The following CSMD1 variants were observed in gnomAD, a reference collection of about 807,000 sequenced individuals.
The protein encoded by CSMD1 is CUB and Sushi multiple domains 1, also known as CUB and sushi domain-containing protein 1.
A neutral mutation model predicts 417.5 loss-of-function variants in CSMD1; 213 were observed. The observed-to-expected ratio is 0.51, with a 90% CI of 0.46 to 0.57. The LOEUF (loss-of-function observed/expected upper bound fraction) is 0.57, where lower values mean the gene tolerates loss of function less well. Ranked by LOEUF, CSMD1 falls within the 20% of genes least tolerant of loss-of-function variation. The pLI is 0.00. For synonymous variants in CSMD1, 2,862 were observed against 1,736.8 expected, an observed-to-expected ratio of 1.65 and a Z score of -16.11; for missense variants, 6,923 against 4,529.7, an observed-to-expected ratio of 1.53 and a Z score of -15.17.
At chr8:4,196,461 C>G (rs570854792) in intron 3 of CSMD1, among the ~76,000 whole-genome samples, 17 of 152,234 alleles carry the variant, frequency 1.1e-4, no homozygotes, top group African/African-American at 3.9e-4. Context: ...GAAAATCTGT[C>G]CAATGCCGAT....
intron 1 of CSMD1, among the ~76,000 whole-genome samples, chr8:4,727,036 A>G (rs753422065): frequency 1.4e-4 from 21 of 152,170 alleles, no homozygotes; most frequent in Non-Finnish European, 2.8e-4. Flanking sequence ...AGGTCATCCA[A>G]CTGTTTTCTA....
At chr8:4,271,502 A>G (rs992575044) in intron 3 of CSMD1, among the ~76,000 whole-genome samples, 1 of 152,280 alleles carries the variant, frequency 6.6e-6, no homozygotes, top group South Asian at 2.1e-4. Context: ...AAACTGCATC[A>G]AAATCAGGAG....
chr8:3,909,891 A>T (rs1228081223), intron 5 of CSMD1, among the ~76,000 whole-genome samples: 1 of 152,224 alleles, frequency 6.6e-6, no homozygotes, highest in Non-Finnish European at 1.5e-5. Context: ...TCGTTAAAAG[A>T]CTAAGCCCTG....
At chr8:4,854,921 G>A (rs1232686618) in intron 1 of CSMD1, among the ~76,000 whole-genome samples, 1 of 152,196 alleles carries the variant, frequency 6.6e-6, no homozygotes, top group East Asian at 1.9e-4. Context: ...CACAGCTCAA[G>A]GAGGTCTGCC....
chr8:4,362,392 G>T (rs543222503), intron 3 of CSMD1, among the ~76,000 whole-genome samples: 4 of 150,104 alleles, frequency 2.7e-5, no homozygotes. Context: ...AGAGCCTGGG[G>T]ACAGAGTCTC....
At chr8:4,196,003 C>A (rs148739942) in intron 3 of CSMD1, among the ~76,000 whole-genome samples, 12,147 of 151,980 alleles carry the variant, frequency 0.08, 794 homozygotes, top group African/African-American at 0.18. Context: ...TGAGGTCATG[C>A]GATCGAGACC....
At chr8:3,875,216 C>G (rs1585124732) in intron 5 of CSMD1, among the ~76,000 whole-genome samples, 1 of 152,030 alleles carries the variant, frequency 6.6e-6, no homozygotes, top group East Asian at 1.9e-4. Flanking sequence ...CATTCGGGAG[C>G]CACCACAATG....
At chr8:3,256,896 T>C (rs1395924016) in intron 26 of CSMD1, among the ~76,000 whole-genome samples, 3 of 152,196 alleles carry the variant, frequency 2.0e-5, no homozygotes, top group Non-Finnish European at 4.4e-5. Context: ...GCCAAAAAAA[T>C]TCACAATGCA....
intron 1 of CSMD1, chr8:4,788,310 G>C (rs536101611): frequency 5.1e-6 from 8 of 1,578,758 alleles, no homozygotes; most frequent in African/African-American, 1.3e-5. Context: ...CAGAAGTAAT[G>C]GTTTGGGACC....
intron 1 of CSMD1, among the ~76,000 whole-genome samples, chr8:4,846,906 A>G (rs551728799): frequency 1.2e-3 from 184 of 152,336 alleles, no homozygotes; most frequent in Non-Finnish European, 2.2e-3. Flanking sequence ...ACTGGAAACT[A>G]AAAACCATGT....
intron 5 of CSMD1, among the ~76,000 whole-genome samples, chr8:3,797,371 G>T (rs1008862535): frequency 6.6e-6 from 1 of 151,876 alleles, no homozygotes; most frequent in African/African-American, 2.4e-5. Context: ...CCACACCCCG[G>T]ATGCAGGCAT....
At chr8:4,585,459 A>T (rs774789518) in intron 2 of CSMD1, among the ~76,000 whole-genome samples, 1 of 152,206 alleles carries the variant, frequency 6.6e-6, no homozygotes, top group Non-Finnish European at 1.5e-5. Context: ...ATAATAAATA[A>T]CATTTCCTCA....
At chr8:3,543,875 G>C (rs1306111321) in intron 10 of CSMD1, among the ~76,000 whole-genome samples, 1 of 152,174 alleles carries the variant, frequency 6.6e-6, no homozygotes, top group Non-Finnish European at 1.5e-5. Context: ...TCAGAGTCAG[G>C]ACAGATGAAG....
At chr8:4,328,093 A>C (rs930426441) in intron 3 of CSMD1, among the ~76,000 whole-genome samples, 1 of 152,318 alleles carries the variant, frequency 6.6e-6, no homozygotes. Context: ...TATGTAACAG[A>C]AACTATGCAA....
At chr8:2,970,707 C>A (rs1242374032) in intron 57 of CSMD1, among the ~76,000 whole-genome samples, 3 of 152,154 alleles carry the variant, frequency 2.0e-5, no homozygotes, top group Non-Finnish European at 4.4e-5. Context: ...AGAATCAGGT[C>A]TAGAGCCAAA....
At chr8:4,753,695 C>T (rs1019829076) in intron 1 of CSMD1, among the ~76,000 whole-genome samples, 7 of 152,312 alleles carry the variant, frequency 4.6e-5, no homozygotes, top group African/African-American at 1.4e-4. Context: ...TTCTGACCTT[C>T]TGCTCCTTTA....
intron 41 of CSMD1, among the ~76,000 whole-genome samples, chr8:3,142,037 T>A (rs1192569135): frequency 1.3e-5 from 2 of 152,042 alleles, no homozygotes; most frequent in African/African-American, 2.4e-5. Flanking sequence ...GACCTCGTGA[T>A]CCGCCCGCCT....
At chr8:3,558,189 G>C (rs1045213435) in intron 10 of CSMD1, among the ~76,000 whole-genome samples, 2 of 150,036 alleles carry the variant, frequency 1.3e-5, no homozygotes, top group Non-Finnish European at 3.0e-5. Flanking sequence ...CTCCTCCAAT[G>C]ATGAATAGTG....
At chr8:3,112,890 A>G (rs1816607285) in intron 42 of CSMD1, 1 of 152,272 alleles carries the variant, frequency 6.6e-6, no homozygotes, top group Admixed American at 6.5e-5. Flanking sequence ...AGAGATAGAA[A>G]AAAAGAGGAC....
Sources: gnomAD v4.1 joint callset for allele counts (sites outside exome capture counted in the v4.1 genomes callset) on GRCh38, gnomAD v4.1.1 for gene constraint, MANE v1.5 for transcripts, NCBI Gene and HGNC (gene_info 2026-07-23, HGNC 2026-07-21) for gene names.